UBE3C: variants seen among roughly 807,000 people sequenced by gnomAD.
UBE3C encodes the protein ubiquitin protein ligase E3C.
Under a neutral mutation model 129.4 loss-of-function variants are expected in UBE3C, and 42 were observed. The ratio of observed to expected loss-of-function variants is 0.32; its 90% confidence interval spans 0.25 to 0.42. The LOEUF is 0.42. UBE3C is among the 10% of genes least tolerant of loss of function. The pLI, the probability that UBE3C is intolerant of heterozygous loss-of-function variation, is 1.00. For synonymous variants in UBE3C, 510 were observed against 492.4 expected (o/e 1.04, Z -0.47); for missense variants, 1,049 against 1,319.1 (o/e 0.80, Z 3.17).
chr7:157,157,999 G>C (rs900618906), intron 1 of UBE3C, among the ~76,000 whole-genome samples: 6 of 149,094 alleles, frequency 4.0e-5, no homozygotes, highest in African/African-American at 1.5e-4. Context: ...GAGAGAGAGA[G>C]AGAGAGATAC....
chr7:157,206,793 A>AGG (rs1554430406), intron 11 of UBE3C, among the ~76,000 whole-genome samples: 1 of 151,760 alleles, frequency 6.6e-6, no homozygotes, highest in Admixed American at 6.6e-5. Flanking sequence ...TGATGGGTGA[A>AGG]AGGCTGCTGA....
At chr7:157,139,909 C>A in intron 1 of UBE3C, 1 of 741,294 alleles carries the variant, frequency 1.3e-6, no homozygotes, top group Non-Finnish European at 1.6e-6. Flanking sequence ...TCATGAATAG[C>A]CACGTGTTTG....
At chr7:157,215,296 A>G (rs1383302525) in intron 13 of UBE3C, among the ~76,000 whole-genome samples, 2 of 152,044 alleles carry the variant, frequency 1.3e-5, no homozygotes, top group African/African-American at 4.8e-5. Flanking sequence ...TTTCTTGGGC[A>G]CACAGAATTT....
chr7:157,150,587 A>G (rs1035760277), intron 1 of UBE3C, among the ~76,000 whole-genome samples: 5 of 152,234 alleles, frequency 3.3e-5, no homozygotes, highest in Non-Finnish European at 7.3e-5. Flanking sequence ...ATAACCGTTA[A>G]TATAACAATG....
intron 13 of UBE3C, among the ~76,000 whole-genome samples, chr7:157,208,162 A>C (rs1458348352): frequency 1.4e-5 from 2 of 139,586 alleles, no homozygotes; most frequent in Non-Finnish European, 3.0e-5. Flanking sequence ...GCAGCCTTGA[A>C]CTCCTGGGAT....
chr7:157,249,752 A>G (rs962215085), intron 19 of UBE3C, among the ~76,000 whole-genome samples: 6 of 152,198 alleles, frequency 3.9e-5, no homozygotes, highest in Admixed American at 1.3e-4. Context: ...GGTTGTTCCT[A>G]TGTTTGGGCT....
intron 1 of UBE3C, chr7:157,139,938 T>A (rs777884992): frequency 1.4e-5 from 13 of 960,066 alleles, no homozygotes; most frequent in Non-Finnish European, 1.5e-5. Context: ...ACGAGGGCAA[T>A]TATTTGCCAC....
chr7:157,190,512 AG>A (rs1391426157), intron 10 of UBE3C, among the ~76,000 whole-genome samples: 1 of 152,180 alleles, frequency 6.6e-6, no homozygotes, highest in Non-Finnish European at 1.5e-5. Flanking sequence ...ACATGTGGCC[AG>A]GGGCTACCTT....
chr7:157,140,153 T>G (rs1243976790), intron 1 of UBE3C: 1 of 390,236 alleles, frequency 2.6e-6, no homozygotes, highest in African/African-American at 2.2e-5. Flanking sequence ...TGTGGTCTTG[T>G]TCCCGCCCCT....
rs1019196654 is a variant in UBE3C, at chr7:157,202,863, G to A, written c.1418+1056G>A. On this transcript the variant is annotated intron_variant, in intron 11 of 22. Coordinates refer to ENST00000348165, the MANE Select transcript of UBE3C (RefSeq NM_014671.3). ...GTGGGAAGACACATCTCAGTTGTAG[G>A]GCAAGAGTGTAGAAAGTGGTCTTGT... 3.3e-5 allele frequency among the ~76,000 whole-genome samples: 5 copies of A among 152,300 alleles called. No homozygotes were observed. In the East Asian group the frequency reaches 9.6e-4, roughly 29 times the overall value.
At chr7:157,232,054 C>T (rs1318420295) in intron 18 of UBE3C, among the ~76,000 whole-genome samples, 1 of 152,106 alleles carries the variant, frequency 6.6e-6, no homozygotes, top group Non-Finnish European at 1.5e-5. Context: ...CTGGTTTTGC[C>T]AGTAGCCCTT....
intron 22 of UBE3C, among the ~76,000 whole-genome samples, chr7:157,264,399 G>T (rs1354720346): frequency 1.2e-5 from 1 of 83,854 alleles, no homozygotes; most frequent in Non-Finnish European, 2.5e-5. Flanking sequence ...CAACATGCTC[G>T]GCCTGTTACA....
intron 18 of UBE3C, among the ~76,000 whole-genome samples, chr7:157,241,828 C>T (rs578066017): frequency 2.2e-4 from 34 of 152,220 alleles, no homozygotes; most frequent in Admixed American, 1.0e-3. Flanking sequence ...ATTACTGGGC[C>T]GTAAAAAGGG....
chr7:157,224,651 C>G (rs577592132), intron 16 of UBE3C, among the ~76,000 whole-genome samples: 2 of 152,126 alleles, frequency 1.3e-5, no homozygotes, highest in African/African-American at 4.8e-5. Flanking sequence ...TTACTTGGTT[C>G]CGTTCTTCAG....
chr7:157,220,078 G>A (rs1456436976), intron 14 of UBE3C, among the ~76,000 whole-genome samples: 3 of 152,128 alleles, frequency 2.0e-5, no homozygotes, highest in Non-Finnish European at 4.4e-5. Context: ...AGGCGTGATG[G>A]TATACACCTG....
At chr7:157,187,819 G>A (rs957143237) in intron 10 of UBE3C, among the ~76,000 whole-genome samples, 4 of 151,898 alleles carry the variant, frequency 2.6e-5, no homozygotes, top group Admixed American at 2.0e-4. Flanking sequence ...CTTGTGATCC[G>A]CCTGCCTCGG....
At chr7:157,160,499 A>G (rs1016633269) in intron 1 of UBE3C, among the ~76,000 whole-genome samples, 1 of 152,170 alleles carries the variant, frequency 6.6e-6, no homozygotes, top group African/African-American at 2.4e-5. Flanking sequence ...AGATAAATAT[A>G]TTTAGGTTAA....
intron 16 of UBE3C, among the ~76,000 whole-genome samples, chr7:157,225,156 A>C (rs571215515): frequency 1.3e-5 from 2 of 152,166 alleles, no homozygotes; most frequent in Non-Finnish European, 2.9e-5. Context: ...GCATGAGCCA[A>C]TGTGCCTGGC....
intron 5 of UBE3C, 147 bp downstream of exon 5, chr7:157,175,181 AT>A: frequency 2.3e-6 from 1 of 432,398 alleles, no homozygotes; most frequent in Non-Finnish European, 3.6e-6. Flanking sequence ...TTCTGTATAT[AT>A]TACAATTTTT....
Sources: allele counts gnomAD v4.1 joint callset (sites outside exome capture counted in the v4.1 genomes callset), GRCh38; gene constraint gnomAD v4.1.1; transcripts MANE v1.5; gene names NCBI Gene and HGNC (gene_info 2026-07-23, HGNC 2026-07-21).